MACF1: variants seen among roughly 807,000 people sequenced by gnomAD.
MACF1 encodes microtubule-actin cross-linking factor 1.
A neutral mutation model predicts 854.8 loss-of-function variants in MACF1; 193 were observed. The ratio of observed to expected loss-of-function variants is 0.23; its 90% CI spans 0.20 to 0.25. The LOEUF is 0.25. MACF1 is among the 10% of genes least tolerant of loss of function. The probability of loss-of-function intolerance (pLI) is 1.00; values close to 1 mark genes in which losing one functional copy is unlikely to be tolerated. For missense variants in MACF1, 7,722 were observed against 8,929.1 expected, an observed-to-expected ratio of 0.86 and a Z score of 5.45; for synonymous variants, 3,185 against 3,226.7, an observed-to-expected ratio of 0.99 and a Z score of 0.44.
intron 6 of MACF1, among the ~76,000 whole-genome samples, chr1:39,258,400 A>T (rs1490193129): frequency 2.0e-5 from 3 of 152,214 alleles, no homozygotes; most frequent in African/African-American, 7.2e-5. Context: ...GGTGGAGTGA[A>T]GGTTCATAGT....
At chr1:39,238,973 C>G (rs1413951426) in intron 2 of MACF1, among the ~76,000 whole-genome samples, 1 of 152,084 alleles carries the variant, frequency 6.6e-6, no homozygotes, top group Non-Finnish European at 1.5e-5. Flanking sequence ...GGCAGGTAGA[C>G]CAACGTAAGG....
chr1:39,196,860 TG>T (rs1644326420), intron 2 of MACF1, among the ~76,000 whole-genome samples: 5 of 152,218 alleles, frequency 3.3e-5, no homozygotes, highest in South Asian at 2.1e-4. Context: ...TGAGATTTCT[TG>T]TGGGTAACAG....
In MACF1 at chr1:39,441,420, C is replaced by T. The variant is rs1213883552; in HGVS notation, c.18672+95C>T. 3 of 935,416 alleles carry T rather than the reference C, an allele frequency of 3.2e-6. 1 individual carries two copies. Among genetic ancestry groups the T allele is most frequent in the Middle Eastern group, 2.4e-4 (1 of 4,184 alleles). 57.9% of individuals were successfully genotyped at this position (935,416 alleles called of 1,614,324 possible). A position where few individuals can be genotyped will look rare whatever the true frequency, so the allele number is the denominator to read the frequency against. ...ATTAAGCACAAAAGTGGATCACCTT[C>T]ACAGGACTGCAGACCTAAGATAGTG... On this transcript the variant is annotated intron_variant, in intron 74 of 100. Transcript: ENST00000564288.
chr1:39,091,286 C>G (rs1236943244), intron 2 of MACF1, among the ~76,000 whole-genome samples: 1 of 152,188 alleles, frequency 6.6e-6, no homozygotes, highest in African/African-American at 2.4e-5. Flanking sequence ...TTCATTCACG[C>G]AAAGGGCTGG....
chr1:39,200,994 G>GC (rs996184092), upstream of MACF1, among the ~76,000 whole-genome samples: 2 of 151,914 alleles, frequency 1.3e-5, no homozygotes, highest in Non-Finnish European at 2.9e-5. Flanking sequence ...TTTCTACCCT[G>GC]CCCCCCCAAA....
chr1:39,304,031 TA>T (rs974455161), intron 23 of MACF1, among the ~76,000 whole-genome samples: 20 of 151,688 alleles, frequency 1.3e-4, no homozygotes, highest in African/African-American at 4.8e-4. Context: ...TTTTTTTTTT[TA>T]ATTATACTTT....
intron 6 of MACF1, among the ~76,000 whole-genome samples, chr1:39,277,353 AAGT>A (rs1163382189): frequency 6.6e-6 from 1 of 152,224 alleles, no homozygotes; most frequent in Non-Finnish European, 1.5e-5. Flanking sequence ...GATGCATGTG[AAGT>A]TTGAATAATA....
rs554889309 is a variant in MACF1 at position 39,476,481 on chromosome 1, G to T, written c.21959-3317G>T. On this transcript the variant is annotated intron_variant, in intron 97 of 100. Transcript: ENST00000564288. ...AGCTACCCAGGAGGCTGAGGCAGAA[G>T]AATCACTTGAACCCAGGAGGCGGAG... is the stretch of plus-strand genomic sequence containing the variant. 5.3e-5 allele frequency among the ~76,000 whole-genome samples: 8 copies of T among 152,016 alleles called. No homozygotes were observed. The East Asian group carries it at 1.4e-3, about 26-fold the overall frequency.
chr1:39,203,440 A>G (rs775280793), upstream of MACF1, among the ~76,000 whole-genome samples: 5 of 152,192 alleles, frequency 3.3e-5, no homozygotes, highest in East Asian at 1.9e-4. Context: ...CCTGGGCTCA[A>G]GTGATCCTCC....
chr1:39,373,976 T>C (rs1470875422), intron 52 of MACF1, among the ~76,000 whole-genome samples: 1 of 152,086 alleles, frequency 6.6e-6, no homozygotes, highest in Non-Finnish European at 1.5e-5. Flanking sequence ...GCACAGTGGC[T>C]CACGCCTGTA....
intron 4 of MACF1, among the ~76,000 whole-genome samples, chr1:39,253,031 T>TA (rs534763452): frequency 1.1e-3 from 172 of 152,346 alleles, no homozygotes; most frequent in Non-Finnish European, 1.8e-3. Flanking sequence ...ATTTGACACT[T>TA]ACAAAAGAAG....
Position 39,120,327 on chromosome 1 carries a change from A to G in MACF1, c.220+35889A>G, listed in dbSNP as rs547134528. 2.2e-4 allele frequency among the ~76,000 whole-genome samples: 33 copies of G among 152,252 alleles called. 1 individual carries two copies. Among genetic ancestry groups the G allele is most frequent in the African/African-American group, 7.7e-4 (32 of 41,524 alleles). ...CACCTGACTCCTGGAACTCCCTGTTATCATGTAACATATTTTAATTATTTT... is the reference window on the plus strand; with the variant it reads ...CACCTGACTCCTGGAACTCCCTGTTGTCATGTAACATATTTTAATTATTTT... On this transcript the variant is annotated intron_variant, in intron 2 of 93. Coordinates refer to the MACF1 transcript ENST00000361689.
At chr1:39,448,468 A>C (rs969313066) in intron 83 of MACF1, 126 bp from the exon 84 acceptor site, 2 of 742,976 alleles carry the variant, frequency 2.7e-6, no homozygotes, top group Non-Finnish European at 4.0e-6. Context: ...GGTTAATTTT[A>C]GTTCAAAAAA....
intron 84 of MACF1, among the ~76,000 whole-genome samples, chr1:39,450,016 T>C (rs1644307038): frequency 1.3e-5 from 2 of 152,142 alleles, no homozygotes; most frequent in South Asian, 4.2e-4. Flanking sequence ...CACACCACCA[T>C]GCCCAGCTAA....
chr1:39,194,154 T>C (rs924639974), intron 2 of MACF1, among the ~76,000 whole-genome samples: 1 of 152,030 alleles, frequency 6.6e-6, no homozygotes, highest in Admixed American at 6.6e-5. Context: ...TTCTAAGTGC[T>C]GTACCAGAGC....
chr1:39,181,247 G>A (rs1396211422), intron 2 of MACF1, among the ~76,000 whole-genome samples: 1 of 152,088 alleles, frequency 6.6e-6, no homozygotes, highest in Non-Finnish European at 1.5e-5. Flanking sequence ...TATTTTGGGG[G>A]GATCCTCCAA....
At chr1:39,407,271 C>A (rs1642750042) in intron 58 of MACF1, among the ~76,000 whole-genome samples, 3 of 152,116 alleles carry the variant, frequency 2.0e-5, no homozygotes, top group Admixed American at 2.0e-4. Context: ...AACAAGTTTC[C>A]TTCCTCCCAC....
intron 2 of MACF1, among the ~76,000 whole-genome samples, chr1:39,235,999 G>C (rs540020756): frequency 6.6e-6 from 1 of 152,176 alleles, no homozygotes; most frequent in Non-Finnish European, 1.5e-5. Context: ...TGGCCTCCCA[G>C]TGTCTTGGAA....
intron 15 of MACF1, among the ~76,000 whole-genome samples, chr1:39,288,816 A>C (rs948779029): frequency 6.6e-6 from 1 of 152,188 alleles, no homozygotes; most frequent in Admixed American, 6.5e-5. Context: ...AAACAAAAAA[A>C]TGTACAACTA....
Sources: gnomAD v4.1 joint callset for allele counts (sites outside exome capture counted in the v4.1 genomes callset) on GRCh38, gnomAD v4.1.1 for gene constraint, MANE v1.5 for transcripts, NCBI Gene and HGNC (gene_info 2026-07-23, HGNC 2026-07-21) for gene names.